The following PCDHGA3 variants were observed in gnomAD, a reference collection of about 807,000 sequenced individuals.
The protein encoded by PCDHGA3 is protocadherin gamma-A3.
PCDHGA3 carries 40 observed loss-of-function variants against 58.5 expected under a neutral mutation model. The observed-to-expected ratio is 0.68, with a 90% CI of 0.53 to 0.89. The LOEUF (loss-of-function observed/expected upper bound fraction) is 0.89. Among genes scored for constraint, PCDHGA3 ranks in the 40% least tolerant of loss-of-function variants. PCDHGA3 has a pLI of 0.00. For missense variants in PCDHGA3, 1,223 were observed against 1,195.9 expected, an observed-to-expected ratio of 1.02 and a Z score of -0.33; for synonymous variants, 530 against 525.7, an observed-to-expected ratio of 1.01 and a Z score of -0.11.
At chr5:141,350,225 T>C in intron 1 of PCDHGA3, 1 of 1,498,610 alleles carries the variant, frequency 6.7e-7, no homozygotes, top group Non-Finnish European at 8.9e-7. Flanking sequence ...TTGAAAAACA[T>C]CCCAGAGGAA....
intron 1 of PCDHGA3, chr5:141,419,669 C>T: frequency 6.2e-7 from 1 of 1,612,840 alleles, no homozygotes; most frequent in Non-Finnish European, 8.5e-7. Context: ...CAATGCCTGG[C>T]TGTCCTACCA....
chr5:141,365,470 T>C, intron 1 of PCDHGA3: 1 of 1,614,034 alleles, frequency 6.2e-7, no homozygotes, highest in South Asian at 1.1e-5. Flanking sequence ...GAGAAAATGG[T>C]GAGATTGCAT....
intron 1 of PCDHGA3, among the ~76,000 whole-genome samples, chr5:141,457,057 C>T (rs1224573005): frequency 6.6e-6 from 1 of 152,182 alleles, no homozygotes; most frequent in Non-Finnish European, 1.5e-5. Flanking sequence ...TTCATGCTTC[C>T]TTTTTGCCAG....
intron 1 of PCDHGA3, chr5:141,366,183 C>T (rs1265107316): frequency 6.2e-7 from 1 of 1,613,986 alleles, no homozygotes; most frequent in South Asian, 1.1e-5. Context: ...GGACTCTTTG[C>T]GGTTGGGCTG....
intron 1 of PCDHGA3, chr5:141,366,028 C>T (rs1291382727): frequency 1.2e-6 from 2 of 1,614,136 alleles, no homozygotes; most frequent in Non-Finnish European, 1.7e-6. Flanking sequence ...TGTACCCCGC[C>T]CTCCCCACAG....
At chr5:141,492,962 C>A (rs1197532146) in intron 1 of PCDHGA3, among the ~76,000 whole-genome samples, 2 of 152,258 alleles carry the variant, frequency 1.3e-5, no homozygotes, top group African/African-American at 2.4e-5. Flanking sequence ...CTATCTGACA[C>A]TCTAACAAGT....
At chr5:141,400,511 C>G (rs1456963604) in intron 1 of PCDHGA3, 1 of 1,613,824 alleles carries the variant, frequency 6.2e-7, no homozygotes, top group African/African-American at 1.3e-5. Context: ...GAGTCGACTT[C>G]CCATCCTGAG....
Position 141,485,182 on chromosome 5 carries a change from C to A in PCDHGA3, c.2425-9625C>A. 6.2e-7 allele frequency: 1 copy of A among 1,613,070 alleles called. No individual in the cohort carries two copies. The highest frequency in any genetic ancestry group is 8.5e-7 in the Non-Finnish European group (1 of 1,179,154). On this transcript the variant is annotated intron_variant, in intron 1 of 3. Coordinates refer to ENST00000253812, the MANE Select transcript of PCDHGA3 (RefSeq NM_018916.4). This position sits in a 1 kb window ranked among gnomAD's most constrained non-coding sequence, Gnocchi z 5.7. ...ATTAGCGGGCGGCAGCAATGCTCCG[C>A]AAGGTGAGAAGCTGGACAGAAATCT...
intron 1 of PCDHGA3, chr5:141,422,014 C>T (rs1472942387): frequency 1.9e-6 from 3 of 1,610,040 alleles, no homozygotes; most frequent in African/African-American, 1.3e-5. Flanking sequence ...AACTCGGGTG[C>T]TGATGGTTAA....
chr5:141,499,073 G>T (rs2099789305), intron 2 of PCDHGA3, among the ~76,000 whole-genome samples: 1 of 152,064 alleles, frequency 6.6e-6, no homozygotes, highest in Admixed American at 6.5e-5. Flanking sequence ...CTTACATTCT[G>T]AAGTTCCTGC....
intron 1 of PCDHGA3, chr5:141,365,061 C>T (rs1220470558): frequency 8.1e-6 from 13 of 1,613,766 alleles, no homozygotes; most frequent in Non-Finnish European, 1.1e-5. Context: ...CTGTTCACCC[C>T]ATCCGAGTAC....
chr5:141,423,506 T>C (rs1242003813), intron 1 of PCDHGA3: 1 of 1,613,808 alleles, frequency 6.2e-7, no homozygotes, highest in African/African-American at 1.3e-5. Context: ...GAGGTCTCTC[T>C]CATTGCGGAC....
rs371319055 is a variant in PCDHGA3 at position 141,399,494 on chromosome 5, G to C, written c.2424+53037G>C. 328 of 1,614,032 alleles carry C rather than the reference G, an allele frequency of 2.0e-4. 1 individual carries two copies. The highest frequency in any genetic ancestry group is 1.7e-3 in the South Asian group (152 of 91,086). ...TTCCACCAGGCGTCCTACTTAGTCA[G>C]TGTACCCGAAAACAACCCTCCTGGG... is the stretch of plus-strand genomic sequence containing the variant. On this transcript the variant is annotated intron_variant, in intron 1 of 3. Coordinates refer to ENST00000253812, the MANE Select transcript of PCDHGA3 (RefSeq NM_018916.4).
At chr5:141,361,514 A>C (rs765118611) in intron 1 of PCDHGA3, 1 of 1,614,028 alleles carries the variant, frequency 6.2e-7, no homozygotes. Context: ...TACATGGTTC[A>C]CGTGGCAGAG....
In PCDHGA3 at chr5:141,487,883, G is replaced by A; in HGVS notation, c.2425-6924G>A. ...GGTGATCAAGAGCCAGGCTGTTGTG[G>A]AAGCATGATGATGGAATGTGGGAGC... is the stretch of plus-strand genomic sequence containing the variant. On this transcript the variant is annotated intron_variant, in intron 1 of 3. Transcript: ENST00000253812. This position sits in a 1 kb window ranked among gnomAD's most constrained non-coding sequence, Gnocchi z 5.0. The A allele has an allele frequency of 1.3e-6, 1 of 766,586 alleles. No homozygotes were observed. The highest frequency in any genetic ancestry group is 1.8e-5 in the South Asian group (1 of 55,094). 47.5% of individuals were successfully genotyped at this position (766,586 alleles called of 1,614,324 possible).
intron 1 of PCDHGA3, among the ~76,000 whole-genome samples, chr5:141,488,305 T>C (rs1452293355): frequency 6.6e-6 from 1 of 152,234 alleles, no homozygotes; most frequent in African/African-American, 2.4e-5. Context: ...AAATCACTTA[T>C]GTCAGAAAAC....
At chr5:141,363,598 C>T (rs147406572) in intron 1 of PCDHGA3, among the ~76,000 whole-genome samples, 4 of 152,298 alleles carry the variant, frequency 2.6e-5, no homozygotes, top group African/African-American at 7.2e-5. Context: ...CCAACTCAAA[C>T]GCTGTCTGAG....
chr5:141,495,702 T>C (rs1462896403), intron 2 of PCDHGA3, among the ~76,000 whole-genome samples: 3 of 152,212 alleles, frequency 2.0e-5, no homozygotes, highest in Non-Finnish European at 4.4e-5. Context: ...TCAATAAATG[T>C]GGAGTGAGTA....
chr5:141,492,461 G>T (rs1218833302), intron 1 of PCDHGA3, among the ~76,000 whole-genome samples: 1 of 152,212 alleles, frequency 6.6e-6, no homozygotes, highest in Non-Finnish European at 1.5e-5. Flanking sequence ...CGCGCCTGAG[G>T]GTCCCAGATC....
Sources: allele counts gnomAD v4.1 joint callset (sites outside exome capture counted in the v4.1 genomes callset), GRCh38; gene constraint gnomAD v4.1.1; non-coding constraint Gnocchi (gnomAD v3.1); transcripts MANE v1.5; gene names NCBI Gene and HGNC (gene_info 2026-07-23, HGNC 2026-07-21).